The following CNTNAP2 variants were observed in gnomAD, a reference collection of about 807,000 sequenced individuals.
The protein encoded by CNTNAP2 is contactin-associated protein-like 2.
Under a neutral mutation model 155.2 loss-of-function variants are expected in CNTNAP2, and 98 were observed. That is an observed-to-expected ratio of 0.63 (90% CI 0.54 to 0.75). The LOEUF is 0.75. Among genes scored for constraint, CNTNAP2 ranks in the 30% least tolerant of loss-of-function variants. The pLI is 0.00. For synonymous variants in CNTNAP2, 651 were observed against 631.2 expected, an observed-to-expected ratio of 1.03 and a Z score of -0.47; for missense variants, 1,727 against 1,688.1, an observed-to-expected ratio of 1.02 and a Z score of -0.40.
chr7:147,993,827 T>C (rs1333512829), intron 15 of CNTNAP2, among the ~76,000 whole-genome samples: 4 of 152,286 alleles, frequency 2.6e-5, no homozygotes, highest in African/African-American at 9.6e-5. Context: ...ACTGCTCCTC[T>C]AACTCCTCTA....
chr7:147,977,581 C>G (rs184026509), intron 14 of CNTNAP2, among the ~76,000 whole-genome samples: 24 of 152,240 alleles, frequency 1.6e-4, no homozygotes, highest in Admixed American at 2.6e-4. Context: ...CTGTGGTGTA[C>G]TCTCTACCTA....
intron 1 of CNTNAP2, among the ~76,000 whole-genome samples, chr7:146,390,615 AT>A (rs554353106): frequency 4.9e-4 from 73 of 149,808 alleles, no homozygotes; most frequent in African/African-American, 7.3e-4. Flanking sequence ...AAAAATATAT[AT>A]TTTTTTCATG....
At position 146,568,675 on chromosome 7, in the gene CNTNAP2, G is replaced by A. The variant is rs147936760; in HGVS notation, c.98-205596G>A. Among the ~76,000 whole-genome samples, 660 of 152,204 alleles carry A rather than the reference G, an allele frequency of 4.3e-3. 9 individuals carry two copies. Among genetic ancestry groups the A allele is most frequent in the African/African-American group, 0.015 (622 of 41,544 alleles). On this transcript the variant is annotated intron_variant, in intron 1 of 23. Coordinates refer to ENST00000361727, the MANE Select transcript of CNTNAP2 (RefSeq NM_014141.6). Reference sequence around the variant, plus strand: ...TTTCTGTACCTCTTCCTCAGGAGAGGTTTTACAGATTCTACTGATTTTTGG... The same window carrying A: ...TTTCTGTACCTCTTCCTCAGGAGAGATTTTACAGATTCTACTGATTTTTGG...
chr7:148,301,306 A>AAAAAATATATATATATATATATATAT, intron 21 of CNTNAP2, among the ~76,000 whole-genome samples: 4 of 103,852 alleles, frequency 3.9e-5, no homozygotes, highest in African/African-American at 1.5e-4. Flanking sequence ...AAAAAAAAAA[A>AAAAAATATATATATATATATATATAT]ATATATATAT....
At chr7:148,006,362 C>T (rs1459243285) in intron 15 of CNTNAP2, among the ~76,000 whole-genome samples, 1 of 142,968 alleles carries the variant, frequency 7.0e-6, no homozygotes, top group Non-Finnish European at 1.5e-5. Context: ...CTCTGTTGCC[C>T]TGGATGGAGT....
intron 15 of CNTNAP2, among the ~76,000 whole-genome samples, chr7:148,066,443 C>T (rs1355573777): frequency 2.0e-5 from 3 of 152,270 alleles, no homozygotes; most frequent in Middle Eastern, 6.8e-3. Context: ...GGTCATTTAA[C>T]ATAAGCTCAA....
At chr7:147,641,085 T>C (rs1447047475) in intron 13 of CNTNAP2, among the ~76,000 whole-genome samples, 1 of 152,238 alleles carries the variant, frequency 6.6e-6, no homozygotes, top group Non-Finnish European at 1.5e-5. Context: ...ACCCAGTTTC[T>C]AATGGCCGGT....
intron 1 of CNTNAP2, among the ~76,000 whole-genome samples, chr7:146,586,650 AACAC>A (rs1461031656): frequency 4.6e-5 from 7 of 152,290 alleles, no homozygotes; most frequent in East Asian, 1.9e-4. Context: ...TGTATTAACT[AACAC>A]ACACACATTT....
intron 8 of CNTNAP2, among the ~76,000 whole-genome samples, chr7:147,212,125 G>A (rs868148603): frequency 2.6e-5 from 4 of 152,170 alleles, no homozygotes; most frequent in Middle Eastern, 6.8e-3. Context: ...GCAGAGAAAA[G>A]GGAATGCTTA....
chr7:148,341,520 CATT>C (rs1463003754), intron 21 of CNTNAP2, among the ~76,000 whole-genome samples: 2 of 152,084 alleles, frequency 1.3e-5, no homozygotes, highest in African/African-American at 2.4e-5. Context: ...CGTTACCTAA[CATT>C]ATCCCCATTT....
intron 3 of CNTNAP2, among the ~76,000 whole-genome samples, chr7:147,020,921 T>C (rs1798807040): frequency 6.6e-6 from 1 of 152,130 alleles, no homozygotes; most frequent in Admixed American, 6.5e-5. Context: ...CTTAGAAATA[T>C]TATTATTAAG....
intron 10 of CNTNAP2, among the ~76,000 whole-genome samples, chr7:147,453,728 T>G (rs1797873179): frequency 6.6e-6 from 1 of 151,968 alleles, no homozygotes; most frequent in Non-Finnish European, 1.5e-5. Context: ...TACAACAAAC[T>G]CCCATGACAC....
At chr7:148,298,742 A>T (rs576443096) in intron 21 of CNTNAP2, among the ~76,000 whole-genome samples, 5 of 152,280 alleles carry the variant, frequency 3.3e-5, no homozygotes, top group African/African-American at 9.6e-5. Context: ...CCCAGGCTGG[A>T]GTCGAGTGGT....
intron 3 of CNTNAP2, among the ~76,000 whole-genome samples, chr7:147,005,994 C>T (rs1294153734): frequency 6.6e-6 from 1 of 151,848 alleles, no homozygotes; most frequent in Non-Finnish European, 1.5e-5. Flanking sequence ...TTCTTCTACT[C>T]ATCATAGAGA....
intron 8 of CNTNAP2, among the ~76,000 whole-genome samples, chr7:147,148,650 T>C (rs1248508519): frequency 1.3e-5 from 2 of 150,484 alleles, no homozygotes; most frequent in African/African-American, 5.0e-5. Flanking sequence ...GTGTCCGAAG[T>C]TTCTTCCTTC....
chr7:148,297,458 T>C (rs1401925856), intron 21 of CNTNAP2, among the ~76,000 whole-genome samples: 3 of 152,132 alleles, frequency 2.0e-5, no homozygotes, highest in African/African-American at 7.2e-5. Context: ...GTAGAACAAA[T>C]GTGGGATTCT....
At chr7:146,832,801 T>G (rs1803539082) in intron 2 of CNTNAP2, among the ~76,000 whole-genome samples, 1 of 151,954 alleles carries the variant, frequency 6.6e-6, no homozygotes, top group Non-Finnish European at 1.5e-5. Flanking sequence ...GTTCAAGCGA[T>G]TCTCCTGCCT....
chr7:147,089,375 C>T (rs554948238), intron 4 of CNTNAP2, among the ~76,000 whole-genome samples: 1 of 152,244 alleles, frequency 6.6e-6, no homozygotes, highest in East Asian at 1.9e-4. Context: ...TGTATAAAAC[C>T]TTTATAAATA....
In CNTNAP2 at chr7:148,419,392, G is replaced by A. The variant is rs1009031474; in HGVS notation, c.*3776G>A. 6.6e-6 allele frequency: 1 copy of A among 152,498 alleles called. No homozygotes were observed. The highest frequency in any genetic ancestry group is 2.4e-5 in the African/African-American group (1 of 41,426). The allele number at this position is 152,498 out of a possible 1,614,324, so 9.4% of individuals were successfully genotyped here. ...AATGTCCCCAGCTGACTTCAGCTAA[G>A]AACCAATGGCTCCTACCCCCGCCCC... On this transcript the variant is annotated 3_prime_UTR_variant, in exon 24 of 24. Transcript: ENST00000361727.
Sources: gnomAD v4.1 joint callset for allele counts (sites outside exome capture counted in the v4.1 genomes callset) on GRCh38, gnomAD v4.1.1 for gene constraint, MANE v1.5 for transcripts, NCBI Gene and HGNC (gene_info 2026-07-23, HGNC 2026-07-21) for gene names.